The following SLC26A7 variants were observed in gnomAD, a reference collection of about 807,000 sequenced individuals.
SLC26A7 encodes anion exchange transporter.
A neutral mutation model predicts 82.5 loss-of-function variants in SLC26A7; 59 were observed. The ratio of observed to expected loss-of-function variants is 0.72; its 90% CI spans 0.58 to 0.89. The LOEUF (loss-of-function observed/expected upper bound fraction) is 0.89. SLC26A7 is among the 40% of genes least tolerant of loss of function. The pLI, the probability that SLC26A7 is intolerant of heterozygous loss-of-function variation, is 0.00. For synonymous variants in SLC26A7, 271 were observed against 274.3 expected, an observed-to-expected ratio of 0.99 and a Z score of 0.12; for missense variants, 820 against 793.0, an observed-to-expected ratio of 1.03 and a Z score of -0.41.
chr8:91,323,985 C>T (rs1023483122), intron 5 of SLC26A7, among the ~76,000 whole-genome samples: 3 of 151,808 alleles, frequency 2.0e-5, no homozygotes, highest in Admixed American at 2.0e-4. Flanking sequence ...CATAACCACG[C>T]CTGGGTAATT....
At chr8:91,296,445 G>T (rs951329755) in intron 4 of SLC26A7, among the ~76,000 whole-genome samples, 9 of 152,046 alleles carry the variant, frequency 5.9e-5, no homozygotes, top group African/African-American at 1.5e-4. Context: ...CTGTGTTTTG[G>T]GTTGGGAGGC....
intron 12 of SLC26A7, among the ~76,000 whole-genome samples, chr8:91,362,677 C>T (rs1814082376): frequency 6.6e-6 from 1 of 151,942 alleles, no homozygotes; most frequent in South Asian, 2.1e-4. Flanking sequence ...AGATAAATAG[C>T]TTATCAACGT....
chr8:91,366,390 T>A (rs1814191659), intron 13 of SLC26A7, among the ~76,000 whole-genome samples, 190 bp from the exon 14 acceptor site: 1 of 152,188 alleles, frequency 6.6e-6, no homozygotes, highest in Non-Finnish European at 1.5e-5. Context: ...TTATTAATGT[T>A]TCTTAGTAAG....
chr8:91,276,126 T>G (rs1333225296), intron 2 of SLC26A7, among the ~76,000 whole-genome samples: 1 of 152,230 alleles, frequency 6.6e-6, no homozygotes, highest in Admixed American at 6.5e-5. Context: ...TGATGTTTAC[T>G]TACATAATTC....
chr8:91,262,273 T>G (rs1810989437), intron 2 of SLC26A7, among the ~76,000 whole-genome samples: 1 of 152,058 alleles, frequency 6.6e-6, no homozygotes, highest in African/African-American at 2.4e-5. Context: ...CCTGTAGGAC[T>G]GGTTGACACA....
chr8:91,239,797 G>A (rs1563639547), intron 2 of SLC26A7, among the ~76,000 whole-genome samples: 1 of 152,148 alleles, frequency 6.6e-6, no homozygotes. Flanking sequence ...AGGTTTGAAA[G>A]GGACTACAAA....
At chr8:91,307,794 TATA>T (rs1004901442) in intron 4 of SLC26A7, among the ~76,000 whole-genome samples, 15 of 137,492 alleles carry the variant, frequency 1.1e-4, no homozygotes, top group African/African-American at 3.9e-4. Flanking sequence ...AAACTTAAAG[TATA>T]ATAATAAAAA....
intron 2 of SLC26A7, among the ~76,000 whole-genome samples, chr8:91,270,704 A>T (rs1316905300): frequency 6.6e-6 from 1 of 152,190 alleles, no homozygotes; most frequent in African/African-American, 2.4e-5. Flanking sequence ...TTACAGAGGA[A>T]GTTACTAGGA....
At chr8:91,262,740 G>A (rs1586335494) in intron 2 of SLC26A7, among the ~76,000 whole-genome samples, 1 of 151,912 alleles carries the variant, frequency 6.6e-6, no homozygotes, top group African/African-American at 2.4e-5. Flanking sequence ...TTTGAAGAGG[G>A]AGTTTTATTG....
rs1449391033 is a variant in SLC26A7, at chr8:91,369,294, A to G, written c.1627-491A>G. 1.3e-4 allele frequency among the ~76,000 whole-genome samples: 20 copies of G among 152,280 alleles called. No homozygotes were observed. The East Asian group carries it at 3.9e-3, about 29-fold the overall frequency. On this transcript the variant is annotated intron_variant, in intron 14 of 18. Transcript: ENST00000276609. Reference sequence around the variant, plus strand: ...TTAACAAAAATAGCAATAATACATTATTTGAGAAATAGCAGATGATCTCCT... The same window carrying G: ...TTAACAAAAATAGCAATAATACATTGTTTGAGAAATAGCAGATGATCTCCT...
Position 91,249,573 on chromosome 8 carries a change from T to C in SLC26A7, c.-79T>C, listed in dbSNP as rs974512426. The C allele has an allele frequency of 1.7e-6, 2 of 1,161,814 alleles. No homozygotes were observed. Among genetic ancestry groups the C allele is most frequent in the African/African-American group, 1.6e-5 (1 of 62,234 alleles). The allele number at this position is 1,161,814 out of a possible 1,614,324, so 72.0% of individuals were successfully genotyped here. ...TGTAAACCACAGACGAATTGGAGCT[T>C]GGCATTGAAAGGAGGTGTTCTGCAA... On this transcript the variant is annotated 5_prime_UTR_variant, in exon 2 of 19. Transcript: ENST00000276609.
At chr8:91,376,725 C>A (rs1033768045) in intron 15 of SLC26A7, among the ~76,000 whole-genome samples, 9 of 152,248 alleles carry the variant, frequency 5.9e-5, no homozygotes, top group African/African-American at 2.2e-4. Context: ...AGCTGGCTCA[C>A]TTCCCAGGAG....
At chr8:91,299,000 T>C (rs1812090148) in intron 4 of SLC26A7, among the ~76,000 whole-genome samples, 1 of 152,184 alleles carries the variant, frequency 6.6e-6, no homozygotes, top group Non-Finnish European at 1.5e-5. Flanking sequence ...TCTCAGCCTT[T>C]TGAACTTTAG....
intron 2 of SLC26A7, chr8:91,219,194 T>C (rs1371588880): frequency 7.9e-6 from 3 of 379,068 alleles, no homozygotes; most frequent in Non-Finnish European, 1.4e-5. Flanking sequence ...ATTCTAGGTG[T>C]GCTTTTTTTG....
intron 15 of SLC26A7, among the ~76,000 whole-genome samples, chr8:91,384,093 C>T (rs1814735806): frequency 6.6e-6 from 1 of 152,160 alleles, no homozygotes; most frequent in Non-Finnish European, 1.5e-5. Flanking sequence ...TGGCTTAAAA[C>T]AGCACGGATT....
intron 2 of SLC26A7, among the ~76,000 whole-genome samples, chr8:91,284,328 A>G (rs1310928358): frequency 6.6e-6 from 1 of 152,184 alleles, no homozygotes; most frequent in Admixed American, 6.5e-5. Context: ...ATAGGCCAGG[A>G]GCCTTTAGGG....
At chr8:91,370,407 C>A (rs572298493) in intron 15 of SLC26A7, among the ~76,000 whole-genome samples, 1 of 151,862 alleles carries the variant, frequency 6.6e-6, no homozygotes, top group African/African-American at 2.4e-5. Context: ...ACATTTGAAC[C>A]ACAAATTGAA....
At chr8:91,316,785 A>T (rs1010718579) in intron 4 of SLC26A7, among the ~76,000 whole-genome samples, 3 of 151,670 alleles carry the variant, frequency 2.0e-5, no homozygotes, top group Admixed American at 6.6e-5. Flanking sequence ...GTTTACACAG[A>T]TGCATTATGC....
At chr8:91,253,859 G>T (rs929943511) in intron 2 of SLC26A7, among the ~76,000 whole-genome samples, 2 of 152,034 alleles carry the variant, frequency 1.3e-5, no homozygotes, top group Non-Finnish European at 2.9e-5. Context: ...CTTGTGAATT[G>T]CTTGGCACAT....
Sources: allele counts gnomAD v4.1 joint callset (sites outside exome capture counted in the v4.1 genomes callset), GRCh38; gene constraint gnomAD v4.1.1; transcripts MANE v1.5; gene names NCBI Gene and HGNC (gene_info 2026-07-23, HGNC 2026-07-21).